The following RBFOX1 variants were observed in gnomAD, a reference collection of about 807,000 sequenced individuals.
The protein encoded by RBFOX1 is RNA binding fox-1 homolog 1, also known as RNA binding protein fox-1 homolog 1.
A neutral mutation model predicts 57.7 loss-of-function variants in RBFOX1; 8 were observed. That is an observed-to-expected ratio of 0.14 (90% CI 0.08 to 0.25). The LOEUF (loss-of-function observed/expected upper bound fraction) is 0.25, where lower values mean the gene tolerates loss of function less well. RBFOX1 is among the 10% of genes least tolerant of loss of function. The pLI is 1.00. For synonymous variants in RBFOX1, 326 were observed against 222.4 expected (o/e 1.47, Z -4.15); for missense variants, 611 against 548.5 (o/e 1.11, Z -1.14).
intron 4 of RBFOX1, among the ~76,000 whole-genome samples, chr16:7,134,537 T>C (rs999851039): frequency 3.3e-5 from 5 of 152,164 alleles, no homozygotes; most frequent in African/African-American, 7.2e-5. Context: ...TGTTTTTAAT[T>C]TCATTCACAG....
intron 4 of RBFOX1, among the ~76,000 whole-genome samples, chr16:7,450,896 G>C (rs929199866): frequency 6.6e-6 from 1 of 152,148 alleles, no homozygotes; most frequent in Non-Finnish European, 1.5e-5. Flanking sequence ...TGAGTTTCAG[G>C]GCATGCATCC....
intron 2 of RBFOX1, among the ~76,000 whole-genome samples, chr16:5,540,707 A>T (rs1466361613): frequency 1.3e-5 from 2 of 152,136 alleles, no homozygotes; most frequent in Non-Finnish European, 2.9e-5. Flanking sequence ...ACGGACTCTG[A>T]CTTGTTAAAA....
At chr16:5,425,475 C>T (rs777314351) in intron 1 of RBFOX1, among the ~76,000 whole-genome samples, 2 of 152,120 alleles carry the variant, frequency 1.3e-5, no homozygotes, top group Non-Finnish European at 2.9e-5. Context: ...CCATAGCCCC[C>T]AAGTCTCTTG....
In RBFOX1 at chr16:5,784,399, C is replaced by T. The variant is rs1035255040; in HGVS notation, c.319-82904C>T. 1.6e-4 allele frequency among the ~76,000 whole-genome samples: 25 copies of T among 151,804 alleles called. No individual in the cohort carries two copies. In the East Asian group the frequency reaches 2.1e-3, roughly 13 times the overall value. On this transcript the variant is annotated intron_variant, in intron 3 of 19. Transcript: ENST00000641259. ...CCGAGATCGCACCACTGCACTCCAG[C>T]CTGGGCGACAGAGCGAGAGTCCGTC...
At chr16:5,978,668 T>G (rs1487191218) in intron 4 of RBFOX1, among the ~76,000 whole-genome samples, 1 of 149,010 alleles carries the variant, frequency 6.7e-6, no homozygotes, top group Non-Finnish European at 1.5e-5. Context: ...TTTTTTTTGT[T>G]TTTTTGTTTG....
chr16:6,457,399 C>T (rs1469114066), intron 2 of RBFOX1, among the ~76,000 whole-genome samples: 1 of 147,058 alleles, frequency 6.8e-6, no homozygotes, highest in Non-Finnish European at 1.5e-5. Context: ...CATCTCTGGG[C>T]CCTTGTGTTA....
rs186711129 is a variant in RBFOX1, at chr16:6,850,431, G to T, written c.-16+195781G>T. ...TGAGGAGGTGATGTTCAAGCTGAGG[G>T]GTAAAGGATGACAAATGAGGTTTGA... is the stretch of plus-strand genomic sequence containing the variant. On this transcript the variant is annotated intron_variant, in intron 3 of 15. Transcript: ENST00000550418. Among the ~76,000 whole-genome samples, 20 of 152,170 alleles carry T rather than the reference G, an allele frequency of 1.3e-4. No homozygotes were observed. The East Asian group carries it at 3.7e-3, about 28-fold the overall frequency.
intron 3 of RBFOX1, among the ~76,000 whole-genome samples, chr16:6,812,204 T>C (rs1171588236): frequency 1.3e-5 from 2 of 152,210 alleles, no homozygotes; most frequent in Non-Finnish European, 2.9e-5. Flanking sequence ...CCTGTTAGAA[T>C]GAATATCTGT....
chr16:6,242,075 G>A (rs570885801), intron 1 of RBFOX1, among the ~76,000 whole-genome samples: 43 of 152,276 alleles, frequency 2.8e-4, no homozygotes, highest in Admixed American at 2.7e-3. Context: ...GGCAGCTAAT[G>A]CACCTCCCAA....
intron 3 of RBFOX1, among the ~76,000 whole-genome samples, chr16:6,824,130 C>T (rs1036379561): frequency 6.6e-6 from 1 of 152,146 alleles, no homozygotes; most frequent in Non-Finnish European, 1.5e-5. Context: ...TTTGGCTAGG[C>T]GCTGTTGCTG....
intron 3 of RBFOX1, among the ~76,000 whole-genome samples, chr16:5,855,204 C>G (rs1230962138): frequency 6.6e-6 from 1 of 152,124 alleles, no homozygotes. Context: ...GTTTCCTTTG[C>G]TGTGCAGAAG....
At chr16:6,345,317 C>T (rs1197196883) in intron 2 of RBFOX1, among the ~76,000 whole-genome samples, 1 of 152,214 alleles carries the variant, frequency 6.6e-6, no homozygotes. Flanking sequence ...CCCCTATAGG[C>T]AGTGTGCCCA....
At chr16:7,327,478 A>C (rs542207259) in intron 4 of RBFOX1, among the ~76,000 whole-genome samples, 11 of 152,360 alleles carry the variant, frequency 7.2e-5, no homozygotes, top group African/African-American at 2.4e-4. Flanking sequence ...TAATCTGCAC[A>C]AATCTGTATT....
rs904061537 is a variant in RBFOX1, at chr16:6,524,578, G to C, written c.-63-130025G>C. ...TGGGCACAGTTTTTGAGTTTGTTTT[G>C]TGTTAAAAGGGCCTGTGGAGGATTG... is the stretch of plus-strand genomic sequence containing the variant. On this transcript the variant is annotated intron_variant, in intron 2 of 15. Transcript: ENST00000550418. Among the ~76,000 whole-genome samples the C allele has an allele frequency of 2.0e-5, 3 of 152,112 alleles. No homozygotes were observed. The East Asian group carries it at 5.8e-4, about 29-fold the overall frequency.
At chr16:7,377,176 G>C (rs185130619) in intron 4 of RBFOX1, among the ~76,000 whole-genome samples, 89 of 152,300 alleles carry the variant, frequency 5.8e-4, no homozygotes, top group Non-Finnish European at 1.1e-3. Context: ...TAAAATACCA[G>C]TTTAAGGCAT....
At chr16:5,621,622 A>T (rs931781903) in intron 3 of RBFOX1, among the ~76,000 whole-genome samples, 1 of 152,160 alleles carries the variant, frequency 6.6e-6, no homozygotes, top group African/African-American at 2.4e-5. Flanking sequence ...ATAAGTGAAG[A>T]TTAATTCTTA....
At chr16:5,276,129 C>G (rs1348415967) in intron 1 of RBFOX1, among the ~76,000 whole-genome samples, 3 of 152,114 alleles carry the variant, frequency 2.0e-5, no homozygotes, top group Non-Finnish European at 2.9e-5. Flanking sequence ...CTTAGGCAAA[C>G]AGTTCATAAC....
intron 3 of RBFOX1, among the ~76,000 whole-genome samples, chr16:7,034,841 C>CTTTCTTTTTTTTTTTTTTTTT (rs2043856073): frequency 2.6e-5 from 1 of 39,166 alleles, no homozygotes; most frequent in Non-Finnish European, 4.4e-5. Context: ...TTTTTTTTTT[C>CTTTCTTTTTTTTTTTTTTTTT]TTTTTTCTTT....
chr16:7,662,109 A>T lies in RBFOX1; in HGVS notation c.891-2820A>T, dbSNP rs577829263. 3.3e-5 allele frequency among the ~76,000 whole-genome samples: 5 copies of T among 152,296 alleles called. No individual in the cohort carries two copies. The South Asian group carries it at 1.0e-3, about 32-fold the overall frequency. On this transcript the variant is annotated intron_variant, in intron 12 of 15. Transcript: ENST00000550418. ...CCAACTCTTGGCCCACACCCATGCC[A>T]TGTGCCCCGTTGGAACAGCCTCCAA...
Sources: gnomAD v4.1 joint callset for allele counts (sites outside exome capture counted in the v4.1 genomes callset) on GRCh38, gnomAD v4.1.1 for gene constraint, MANE v1.5 for transcripts, NCBI Gene and HGNC (gene_info 2026-07-23, HGNC 2026-07-21) for gene names.